Variants in COL22A1 observed in about 807,000 individuals in gnomAD.
COL22A1 encodes the protein collagen type XXII alpha 1 chain, also known as collagen alpha-1(XXII) chain.
COL22A1 carries 221 observed loss-of-function variants against 248.9 expected under a neutral mutation model. The observed-to-expected ratio is 0.89, with a 90% CI of 0.80 to 0.99. The LOEUF (loss-of-function observed/expected upper bound fraction) is 0.99. Among genes scored for constraint, COL22A1 ranks in the 50% least tolerant of loss-of-function variants. The pLI is 0.00. For missense variants in COL22A1, 2,240 were observed against 2,179.0 expected (o/e 1.03, Z -0.56); for synonymous variants, 891 against 793.4 (o/e 1.12, Z -2.07).
intron 10 of COL22A1, among the ~76,000 whole-genome samples, chr8:138,806,028 GGTTGTGTGTGTGATGGTGTAGGTA>G (rs1817607544): frequency 3.7e-5 from 4 of 106,808 alleles, no homozygotes; most frequent in African/African-American, 1.0e-4. Flanking sequence ...AATGGTGTGT[GGTTGTGTGTGTGATGGTGTAGGTA>G]ATGGTGTGTG....
At chr8:138,837,271 G>A (rs1820509500) in intron 4 of COL22A1, among the ~76,000 whole-genome samples, 1 of 152,122 alleles carries the variant, frequency 6.6e-6, no homozygotes, top group South Asian at 2.1e-4. Flanking sequence ...TAAGGACCAG[G>A]CCTCCAGAGT....
At chr8:138,722,249 G>A in intron 25 of COL22A1, 160 bp from the exon 26 acceptor site, 1 of 616,870 alleles carries the variant, frequency 1.6e-6, no homozygotes, top group Admixed American at 3.1e-5. Flanking sequence ...AGCGACTGTG[G>A]TCTCTGTCTG....
intron 9 of COL22A1, 56 bp downstream of exon 9, chr8:138,811,743 C>T (rs1818247517): frequency 6.2e-6 from 10 of 1,609,210 alleles, no homozygotes; most frequent in Admixed American, 1.7e-5. Context: ...TGATGGGAAA[C>T]TCCCACTGCA....
rs1484271513 is a variant in COL22A1 at position 138,589,235 on chromosome 8, C to T, written c.*18G>A. On this transcript the variant is annotated 3_prime_UTR_variant, in exon 65 of 65. Coordinates refer to ENST00000303045, the MANE Select transcript of COL22A1 (RefSeq NM_152888.3). Reference sequence around the variant, plus strand: ...AGTTTCAGAAATCCACTGCAGTCTTCTGGCTTTCCAGAGTCCTTTAGGGAC... The same window carrying T: ...AGTTTCAGAAATCCACTGCAGTCTTTTGGCTTTCCAGAGTCCTTTAGGGAC... 1 of 1,611,008 alleles carries T rather than the reference C, an allele frequency of 6.2e-7. No homozygotes were observed.
rs1818263576 is a variant in COL22A1, at chr8:138,811,875, T to TGGGGGG, written c.1372_1373insCCCCCC (p.Pro456_Pro457dup). On this transcript the variant is annotated inframe_insertion, in exon 9 of 65. Transcript: ENST00000303045. ...TTCACTGCCTGGGGTGGGAGGCCGC[T>TGGGGGG]GGGGTGGGGGTGGAGGTGGAGGCTC... 4.2e-6 allele frequency: 2 copies of TGGGGGG among 473,804 alleles called. No individual in the cohort carries two copies. The highest frequency in any genetic ancestry group is 4.6e-5 in the Admixed American group (1 of 21,718). 29.3% of individuals were successfully genotyped at this position (473,804 alleles called of 1,614,324 possible).
At chr8:138,689,075 G>C (rs539169048) in intron 36 of COL22A1, 105 bp from the exon 37 acceptor site, 2 of 869,922 alleles carry the variant, frequency 2.3e-6, no homozygotes, top group African/African-American at 1.7e-5. Context: ...TGAAGTCAAC[G>C]ACTACAGCTC....
At position 138,635,028 on chromosome 8, in the gene COL22A1, T is replaced by G; in HGVS notation, c.3591A>C (p.Pro1197=). 6.2e-7 allele frequency: 1 copy of G among 1,608,970 alleles called. No individual in the cohort carries two copies. Among genetic ancestry groups the G allele is most frequent in the Non-Finnish European group, 8.5e-7 (1 of 1,176,488 alleles). ...HPGVPGFMGP[P]GNPGPPGADG... ...TACTTACTGGTGGCCCAGGGTTCCC[T>G]GGGGGCCCCATGAAACCTGGAACTC... Residue 1197 remains proline (P), a synonymous_variant, in exon 49 of 65, where the codon CCA becomes CCC. Coordinates refer to ENST00000303045, the MANE Select transcript of COL22A1 (RefSeq NM_152888.3).
chr8:138,618,953 GA>G (rs1173128755), intron 53 of COL22A1, among the ~76,000 whole-genome samples: 1 of 152,004 alleles, frequency 6.6e-6, no homozygotes, highest in African/African-American at 2.4e-5. Flanking sequence ...AAAAGGACTA[GA>G]AAAAATACAC....
chr8:138,604,623 A>C, intron 59 of COL22A1, 111 bp downstream of exon 59: 3 of 855,114 alleles, frequency 3.5e-6, no homozygotes, highest in Non-Finnish European at 3.9e-6. Flanking sequence ...CAGTGAAGGT[A>C]GAGAGTGTTA....
chr8:138,666,921 C>G (rs2130735699), intron 41 of COL22A1, among the ~76,000 whole-genome samples: 1 of 152,294 alleles, frequency 6.6e-6, no homozygotes, highest in East Asian at 1.9e-4. Flanking sequence ...AAGCAAGTTA[C>G]TTAGACAGCT....
At chr8:138,756,490 A>G (rs952724123) in intron 18 of COL22A1, among the ~76,000 whole-genome samples, 1 of 152,168 alleles carries the variant, frequency 6.6e-6, no homozygotes, top group Non-Finnish European at 1.5e-5. Context: ...AAAAATCTTT[A>G]GTATTATTTC....
chr8:138,732,516 C>T (rs574780856), intron 23 of COL22A1, among the ~76,000 whole-genome samples: 3 of 152,318 alleles, frequency 2.0e-5, no homozygotes, highest in Non-Finnish European at 2.9e-5. Flanking sequence ...CAAATCACTA[C>T]GTGTGAATTA....
intron 11 of COL22A1, among the ~76,000 whole-genome samples, chr8:138,799,084 T>C (rs765963733): frequency 5.9e-5 from 9 of 152,222 alleles, no homozygotes; most frequent in Non-Finnish European, 1.0e-4. Context: ...TCAAGAATTC[T>C]GATCTTTCTT....
intron 43 of COL22A1, 49 bp from the exon 44 acceptor site, chr8:138,660,529 T>C (rs1251727402): frequency 6.5e-7 from 1 of 1,541,730 alleles, no homozygotes; most frequent in East Asian, 2.2e-5. Flanking sequence ...CACACGATCC[T>C]GACCCACTCT....
At chr8:138,816,634 G>C (rs1818708048) in intron 7 of COL22A1, among the ~76,000 whole-genome samples, 1 of 152,178 alleles carries the variant, frequency 6.6e-6, no homozygotes, top group East Asian at 1.9e-4. Flanking sequence ...GTCAAGTTAG[G>C]AAAACTGAAC....
chr8:138,680,792 G>A (rs1825899815), intron 39 of COL22A1, among the ~76,000 whole-genome samples: 1 of 152,178 alleles, frequency 6.6e-6, no homozygotes, highest in African/African-American at 2.4e-5. Flanking sequence ...AATTGACTAT[G>A]GAAAGCTTTC....
intron 1 of COL22A1, among the ~76,000 whole-genome samples, chr8:138,885,535 C>A (rs897178517): frequency 6.6e-6 from 1 of 152,156 alleles, no homozygotes; most frequent in South Asian, 2.1e-4. Context: ...TCCCTCCTAC[C>A]TACTATATTC....
chr8:138,822,106 G>A (rs1819191953), intron 6 of COL22A1, among the ~76,000 whole-genome samples: 1 of 152,138 alleles, frequency 6.6e-6, no homozygotes, highest in Non-Finnish European at 1.5e-5. Context: ...GTGCAGTTGT[G>A]TGATCTCAGC....
chr8:138,871,942 T>C (rs890930175), intron 3 of COL22A1, among the ~76,000 whole-genome samples: 1 of 152,134 alleles, frequency 6.6e-6, no homozygotes, highest in African/African-American at 2.4e-5. Flanking sequence ...AGCCCCTCCA[T>C]AAGTATCAGT....
Sources: allele counts gnomAD v4.1 joint callset (sites outside exome capture counted in the v4.1 genomes callset), GRCh38; gene constraint gnomAD v4.1.1; transcripts MANE v1.5; gene names NCBI Gene and HGNC (gene_info 2026-07-23, HGNC 2026-07-21).